PPP3CC: variants seen among roughly 807,000 people sequenced by gnomAD.
PPP3CC encodes serine/threonine-protein phosphatase 2B catalytic subunit gamma isoform.
Under a neutral mutation model 60.3 loss-of-function variants are expected in PPP3CC, and 35 were observed. That is an observed-to-expected ratio of 0.58 (90% CI 0.44 to 0.77). The LOEUF (loss-of-function observed/expected upper bound fraction) is 0.77. Ranked by LOEUF, PPP3CC falls within the 30% of genes least tolerant of loss-of-function variation. The pLI is 0.00. For missense variants in PPP3CC, 570 were observed against 628.9 expected (o/e 0.91, Z 1.00); for synonymous variants, 206 against 224.3 (o/e 0.92, Z 0.73).
intron 1 of PPP3CC, among the ~76,000 whole-genome samples, chr8:22,457,129 AT>A: frequency 6.8e-6 from 1 of 146,206 alleles, no homozygotes; most frequent in South Asian, 2.3e-4. Flanking sequence ...CTCTCTCAAT[AT>A]TCTGTAATAT....
At chr8:22,537,928 A>G (rs1839879048) in intron 12 of PPP3CC, among the ~76,000 whole-genome samples, 2 of 152,294 alleles carry the variant, frequency 1.3e-5, no homozygotes, top group South Asian at 2.1e-4. Context: ...GTGAGTGCTA[A>G]TAAGTGGGGG....
intron 4 of PPP3CC, among the ~76,000 whole-genome samples, chr8:22,502,404 G>A (rs966928492): frequency 6.6e-6 from 1 of 152,190 alleles, no homozygotes; most frequent in Non-Finnish European, 1.5e-5. Flanking sequence ...AGACCAAGGT[G>A]GCCGGGTGCA....
At chr8:22,461,340 AGAAGCAGGT>A (rs1837356864) in intron 1 of PPP3CC, among the ~76,000 whole-genome samples, 1 of 152,160 alleles carries the variant, frequency 6.6e-6, no homozygotes, top group Non-Finnish European at 1.5e-5. Flanking sequence ...CTAGAATTGT[AGAAGCAGGT>A]GGTGAATTTT....
chr8:22,497,982 G>C lies in PPP3CC; in HGVS notation c.373-19G>C. On this transcript the variant is annotated intron_variant, in intron 3 of 13. Transcript: ENST00000240139. ...ATAATGGTCACAAAGAAAATTTTAT[G>C]CTTGAATTTGTCTTGTAGTGTGTGC... 2 of 1,529,838 alleles carry C rather than the reference G, an allele frequency of 1.3e-6. No homozygotes were observed. The highest frequency in any genetic ancestry group is 2.4e-5 in the South Asian group (2 of 84,080). 94.8% of individuals were successfully genotyped at this position (1,529,838 alleles called of 1,614,324 possible). A position where few individuals can be genotyped will look rare whatever the true frequency, so the allele number is the denominator to read the frequency against.
In PPP3CC at chr8:22,475,097, G is replaced by A; in HGVS notation, c.193G>A (p.Ala65Thr). The A allele has an allele frequency of 6.2e-7, 1 of 1,613,668 alleles. No homozygotes were observed. ...EVALKIINDG[A>T]AILRQEKTMI... ...AGCCTTAAAGATAATCAATGATGGGGCTGCCATCCTGAGGCAAGAGAAGAC... is the reference window on the plus strand; with the variant it reads ...AGCCTTAAAGATAATCAATGATGGGACTGCCATCCTGAGGCAAGAGAAGAC... The change falls in exon 2 of 14, where the codon GCT becomes ACT. Residue 65 changes from alanine to threonine, a missense_variant. Coordinates refer to ENST00000240139, the MANE Select transcript of PPP3CC (RefSeq NM_005605.5).
chr8:22,471,580 G>A (rs927598276), intron 1 of PPP3CC, among the ~76,000 whole-genome samples: 1 of 152,160 alleles, frequency 6.6e-6, no homozygotes, highest in African/African-American at 2.4e-5. Context: ...TTATAACACA[G>A]TGCTAAGTAT....
intron 3 of PPP3CC, among the ~76,000 whole-genome samples, chr8:22,476,259 A>G (rs1455510641): frequency 6.6e-6 from 1 of 152,240 alleles, no homozygotes; most frequent in East Asian, 1.9e-4. Flanking sequence ...CAGTGGAACC[A>G]CAGCACATTC....
intron 3 of PPP3CC, chr8:22,492,525 G>A: frequency 3.1e-6 from 1 of 326,526 alleles, no homozygotes; most frequent in Non-Finnish European, 5.6e-6. Flanking sequence ...GCGTCCCCAT[G>A]TGTGTGCACC....
chr8:22,534,422 C>CA (rs34306343), intron 12 of PPP3CC, among the ~76,000 whole-genome samples: 124 of 134,436 alleles, frequency 9.2e-4, no homozygotes, highest in East Asian at 7.5e-3. Context: ...ACCCTGTCTC[C>CA]AAAAAAAAAA....
intron 3 of PPP3CC, among the ~76,000 whole-genome samples, chr8:22,482,017 T>C (rs1035975914): frequency 8.5e-5 from 13 of 152,196 alleles, no homozygotes; most frequent in Non-Finnish European, 1.8e-4. Context: ...GTCTTTATAG[T>C]AGAATGATTT....
chr8:22,461,086 C>T (rs1341034970), intron 1 of PPP3CC, among the ~76,000 whole-genome samples: 2 of 152,080 alleles, frequency 1.3e-5, no homozygotes, highest in Non-Finnish European at 1.5e-5. Context: ...CCTTGTTATC[C>T]GCCCACCTTG....
intron 4 of PPP3CC, among the ~76,000 whole-genome samples, chr8:22,509,270 T>C (rs1243174877): frequency 6.6e-6 from 1 of 152,136 alleles, no homozygotes; most frequent in Non-Finnish European, 1.5e-5. Flanking sequence ...CAGGCTCTGA[T>C]CCTTAAATAT....
chr8:22,498,923 G>A (rs914971919), intron 4 of PPP3CC, among the ~76,000 whole-genome samples: 3 of 151,418 alleles, frequency 2.0e-5, no homozygotes, highest in Admixed American at 6.6e-5. Context: ...AGGAGTTCAA[G>A]ACCAGCCTGG....
At chr8:22,455,128 C>G (rs925668920) in intron 1 of PPP3CC, among the ~76,000 whole-genome samples, 3 of 151,308 alleles carry the variant, frequency 2.0e-5, no homozygotes, top group African/African-American at 7.3e-5. Context: ...TGAAATTTTC[C>G]TTTTCTATAG....
Position 22,511,082 on chromosome 8 carries a change from T to A in PPP3CC, c.485-4T>A. ...TCCATTGACTGGTTTTCCTTTTTTG[T>A]TAGGTCGAATCAAATATTCGGAACA... is the stretch of plus-strand genomic sequence containing the variant. On this transcript the variant is annotated splice_region_variant and splice_polypyrimidine_tract_variant and intron_variant, in intron 4 of 13. Coordinates refer to ENST00000240139, the MANE Select transcript of PPP3CC (RefSeq NM_005605.5). 6.2e-7 allele frequency: 1 copy of A among 1,613,292 alleles called. No homozygotes were observed. Among genetic ancestry groups the A allele is most frequent in the South Asian group, 1.1e-5 (1 of 90,818 alleles).
chr8:22,467,235 T>C (rs1837567339), intron 1 of PPP3CC, among the ~76,000 whole-genome samples: 1 of 152,190 alleles, frequency 6.6e-6, no homozygotes, highest in Non-Finnish European at 1.5e-5. Context: ...TTTATGTACT[T>C]ATGCATTGAG....
chr8:22,450,396 C>T (rs990385103), intron 1 of PPP3CC, among the ~76,000 whole-genome samples: 3 of 152,052 alleles, frequency 2.0e-5, no homozygotes, highest in African/African-American at 7.2e-5. Flanking sequence ...ATTTTTCATC[C>T]CTGTTAATTG....
chr8:22,445,749 A>AT, intron 1 of PPP3CC, among the ~76,000 whole-genome samples: 1 of 152,286 alleles, frequency 6.6e-6, no homozygotes, highest in South Asian at 2.1e-4. Flanking sequence ...TCAAGTATAA[A>AT]TTTTCAATGT....
At chr8:22,479,438 A>G (rs1267702993) in intron 3 of PPP3CC, among the ~76,000 whole-genome samples, 2 of 152,138 alleles carry the variant, frequency 1.3e-5, no homozygotes, top group African/African-American at 4.8e-5. Context: ...TCAAGATTGT[A>G]TGGAAAGCAT....
Sources: gnomAD v4.1 joint callset for allele counts (sites outside exome capture counted in the v4.1 genomes callset) on GRCh38, gnomAD v4.1.1 for gene constraint, MANE v1.5 for transcripts, NCBI Gene and HGNC (gene_info 2026-07-23, HGNC 2026-07-21) for gene names.